The following LRP5 variants were observed in gnomAD, a reference collection of about 807,000 sequenced individuals.
The protein encoded by LRP5 is low-density lipoprotein receptor-related protein 5.
LRP5 carries 62 observed loss-of-function variants against 154.1 expected under a neutral mutation model. The observed-to-expected ratio is 0.40, with a 90% CI of 0.33 to 0.50. The LOEUF (loss-of-function observed/expected upper bound fraction) is 0.50. LRP5 is among the 20% of genes least tolerant of loss of function. LRP5 has a pLI of 0.55. For missense variants in LRP5, 1,915 were observed against 2,336.7 expected, an observed-to-expected ratio of 0.82 and a Z score of 3.72; for synonymous variants, 966 against 1,011.5, an observed-to-expected ratio of 0.96 and a Z score of 0.85.
At chr11:68,416,808 C>T (rs1037994949) in intron 13 of LRP5, among the ~76,000 whole-genome samples, 4 of 152,134 alleles carry the variant, frequency 2.6e-5, no homozygotes, top group African/African-American at 9.7e-5. Context: ...AGAAAATGGT[C>T]GTGTGTCATG....
intron 1 of LRP5, among the ~76,000 whole-genome samples, chr11:68,327,691 CAT>C (rs1413203528): frequency 1.3e-5 from 2 of 152,142 alleles, no homozygotes; most frequent in Non-Finnish European, 2.9e-5. Flanking sequence ...GCAGCTCCCA[CAT>C]GAGACTCAGA....
chr11:68,394,852 CA>C (rs1262112848), intron 7 of LRP5, among the ~76,000 whole-genome samples: 1 of 152,184 alleles, frequency 6.6e-6, no homozygotes, highest in African/African-American at 2.4e-5. Context: ...GCTTACAGGC[CA>C]TGGTGCTGGA....
chr11:68,312,742 T>TGGCCGCTGC lies in LRP5; in HGVS notation c.29_37dup (p.Leu12_Leu13insArgProLeu), dbSNP rs946141296. The TGGCCGCTGC allele has an allele frequency of 9.4e-7, 1 of 1,059,174 alleles. No homozygotes were observed. The highest frequency in any genetic ancestry group is 1.1e-6 in the Non-Finnish European group (1 of 877,640). The allele number at this position is 1,059,174 out of a possible 1,614,324, so 65.6% of individuals were successfully genotyped here. A position where few individuals can be genotyped will look rare whatever the true frequency, so the allele number is the denominator to read the frequency against. On this transcript the variant is annotated inframe_insertion, in exon 1 of 23. Coordinates refer to ENST00000294304, the MANE Select transcript of LRP5 (RefSeq NM_002335.4). The stretch of plus-strand genomic sequence containing the variant: ...GGAGGCAGCGCCGCCCGGGCCGCCG[T>TGGCCGCTGC]GGCCGCTGCTGCTGCTGCTGCTGCT...
chr11:68,401,233 G>T (rs904822313), intron 7 of LRP5, among the ~76,000 whole-genome samples: 3 of 152,094 alleles, frequency 2.0e-5, no homozygotes, highest in Non-Finnish European at 4.4e-5. Context: ...TGGCCTTTGC[G>T]TGTCTTCCTG....
At chr11:68,341,587 AC>A (rs1488136742) in intron 1 of LRP5, among the ~76,000 whole-genome samples, 3 of 151,882 alleles carry the variant, frequency 2.0e-5, no homozygotes, top group Non-Finnish European at 4.4e-5. Context: ...GAAACGAGAG[AC>A]CTTGGGCACA....
intron 6 of LRP5, among the ~76,000 whole-genome samples, chr11:68,389,168 C>CGTTTACCAACACCGACGTTTACCGACACT (rs1554966983): frequency 2.0e-5 from 3 of 149,748 alleles, no homozygotes; most frequent in Non-Finnish European, 3.0e-5. Context: ...TTACCGACAC[C>CGTTTACCAACACCGACGTTTACCGACACT]GACATTTACC....
Position 68,324,211 on chromosome 11 carries a change from G to A in LRP5, c.91+11406G>A, listed in dbSNP as rs1249588809. ...GGCGTTGCCTGTCCCTGTGGAGCAG[G>A]TGACTACCTGGCTGCGGGCGGAACA... On this transcript the variant is annotated intron_variant, in intron 1 of 22. Transcript: ENST00000294304. Among the ~76,000 whole-genome samples the A allele has an allele frequency of 2.6e-5, 4 of 151,920 alleles. No homozygotes were observed. In the South Asian group the frequency reaches 6.2e-4, roughly 24 times the overall value.
intron 17 of LRP5, among the ~76,000 whole-genome samples, chr11:68,432,718 G>C (rs188666657): frequency 1.3e-5 from 2 of 152,336 alleles, no homozygotes; most frequent in Admixed American, 1.3e-4. Flanking sequence ...TCTGCACAAA[G>C]TGGGAGGGAG....
Position 68,386,512 on chromosome 11 carries a change from G to C in LRP5, c.1212G>C (p.Gly404=). The stretch of plus-strand genomic sequence containing the variant: ...CCATCCGCAGGGCGTACCTGGACGG[G>C]TCTGGGGCGCAGACGCTGGTCAACA... ...VRAIRRAYLD[G]SGAQTLVNTE... is the part of the protein sequence containing the mutation. The change falls in exon 6 of 23, where the codon GGG becomes GGC. Residue 404 remains glycine, a synonymous_variant. Coordinates refer to ENST00000294304, the MANE Select transcript of LRP5 (RefSeq NM_002335.4). This position sits in a 1 kb window ranked among gnomAD's most constrained non-coding sequence, Gnocchi z 7.9. 6.2e-7 allele frequency: 1 copy of C among 1,614,058 alleles called. No homozygotes were observed. Among genetic ancestry groups the C allele is most frequent in the African/African-American group, 1.3e-5 (1 of 75,060 alleles).
intron 17 of LRP5, among the ~76,000 whole-genome samples, chr11:68,432,888 A>G (rs955982228): frequency 1.3e-5 from 2 of 152,136 alleles, no homozygotes; most frequent in African/African-American, 4.8e-5. Context: ...TGGAGCCCCG[A>G]GGGGCAGGAT....
intron 5 of LRP5, among the ~76,000 whole-genome samples, chr11:68,374,069 G>C (rs1485963558): frequency 6.8e-6 from 1 of 146,558 alleles, no homozygotes; most frequent in Non-Finnish European, 1.5e-5. Context: ...AGCTCACCCA[G>C]ACAGAGTTTT....
chr11:68,333,096 G>A (rs779800815), intron 1 of LRP5, among the ~76,000 whole-genome samples: 7 of 152,134 alleles, frequency 4.6e-5, no homozygotes, highest in Non-Finnish European at 7.4e-5. Context: ...CCAAAATTGC[G>A]GTCATCGTAG....
At chr11:68,385,563 C>T (rs971391167) in intron 5 of LRP5, among the ~76,000 whole-genome samples, 3 of 152,078 alleles carry the variant, frequency 2.0e-5, no homozygotes, top group Admixed American at 6.5e-5. Flanking sequence ...ATGCATGCCC[C>T]GGAGGTGTTT....
At chr11:68,340,236 G>A (rs934245188) in intron 1 of LRP5, among the ~76,000 whole-genome samples, 9 of 152,098 alleles carry the variant, frequency 5.9e-5, no homozygotes, top group Admixed American at 1.3e-4. Context: ...GTGAAACTCC[G>A]TCTCAAAATA....
chr11:68,308,158 T>C (rs903223836), upstream of LRP5, among the ~76,000 whole-genome samples: 1 of 152,140 alleles, frequency 6.6e-6, no homozygotes, highest in African/African-American at 2.4e-5. Context: ...CAGTGGGCAC[T>C]CTCACTGGGG....
At chr11:68,421,715 TGTGTGTGTG>T (rs1293047066) in intron 13 of LRP5, among the ~76,000 whole-genome samples, 42 of 140,088 alleles carry the variant, frequency 3.0e-4, no homozygotes, top group Non-Finnish European at 4.5e-4. Context: ...TGTGTGTGTG[TGTGTGTGTG>T]GTGTGTGTGT....
intron 13 of LRP5, among the ~76,000 whole-genome samples, chr11:68,417,505 G>C (rs1476858947): frequency 1.8e-5 from 2 of 110,514 alleles, no homozygotes; most frequent in East Asian, 6.2e-4. Flanking sequence ...TCTGTCACCA[G>C]CCTGGAGTGC....
intron 3 of LRP5, among the ~76,000 whole-genome samples, chr11:68,360,268 C>T (rs971535480): frequency 1.1e-4 from 16 of 152,208 alleles, no homozygotes; most frequent in African/African-American, 1.9e-4. Flanking sequence ...GTGTCCACCT[C>T]GGCCTCTCAA....
chr11:68,361,319 T>A (rs1428771336), intron 3 of LRP5, among the ~76,000 whole-genome samples: 46 of 120,912 alleles, frequency 3.8e-4, no homozygotes, highest in South Asian at 1.6e-3. Flanking sequence ...AAAAAAATAA[T>A]AAAATAAAAT....
Sources: gnomAD v4.1 joint callset for allele counts (sites outside exome capture counted in the v4.1 genomes callset) on GRCh38, gnomAD v4.1.1 for gene constraint, Gnocchi (gnomAD v3.1) non-coding constraint, MANE v1.5 for transcripts, NCBI Gene and HGNC (gene_info 2026-07-23, HGNC 2026-07-21) for gene names.